GAB4: variants seen among roughly 807,000 people sequenced by gnomAD.
GAB4 encodes the protein GRB2 associated binding protein family member 4.
GAB4 carries 26 observed loss-of-function variants against 51.3 expected under a neutral mutation model. That is an observed-to-expected ratio of 0.51 (90% confidence interval 0.37 to 0.70). The LOEUF (loss-of-function observed/expected upper bound fraction) is 0.70. Ranked by LOEUF, GAB4 falls within the 30% of genes least tolerant of loss-of-function variation. The pLI is 0.00. For synonymous variants in GAB4, 329 were observed against 291.2 expected, an observed-to-expected ratio of 1.13 and a Z score of -1.32; for missense variants, 759 against 734.6, an observed-to-expected ratio of 1.03 and a Z score of -0.38.
chr22:16,963,603 C>G, intron 9 of GAB4, 122 bp downstream of exon 9: 2 of 708,992 alleles, frequency 2.8e-6, no homozygotes, highest in Non-Finnish European at 2.5e-6. Context: ...GCATAAGAGC[C>G]AGGCACTGGG....
intron 1 of GAB4, among the ~76,000 whole-genome samples, chr22:17,006,679 A>C (rs2061042399): frequency 1.3e-5 from 2 of 152,244 alleles, no homozygotes; most frequent in Non-Finnish European, 2.9e-5. Flanking sequence ...TGCAGCCATA[A>C]AAAAGAATGA....
chr22:16,996,505 G>A (rs1254883722), intron 1 of GAB4, among the ~76,000 whole-genome samples: 2 of 151,966 alleles, frequency 1.3e-5, no homozygotes, highest in African/African-American at 4.8e-5. Context: ...ACACGTAATT[G>A]TCAGATTGAC....
intron 8 of GAB4, among the ~76,000 whole-genome samples, chr22:16,964,513 C>T (rs1190358062): frequency 6.6e-6 from 1 of 152,190 alleles, no homozygotes. Flanking sequence ...CCACCTGTAT[C>T]ACCGTCATGA....
intron 1 of GAB4, among the ~76,000 whole-genome samples, chr22:17,005,958 T>G (rs1382351515): frequency 6.6e-6 from 1 of 152,184 alleles, no homozygotes; most frequent in Non-Finnish European, 1.5e-5. Context: ...GACATAGGCA[T>G]GGGCAAAGAC....
At chr22:16,984,459 A>G (rs116561357) in intron 3 of GAB4, among the ~76,000 whole-genome samples, 487 of 152,362 alleles carry the variant, frequency 3.2e-3, no homozygotes, top group African/African-American at 0.011. Context: ...TATATAGCCA[A>G]CATCTGTATT....
At chr22:17,002,245 G>T (rs1261936015) in intron 1 of GAB4, among the ~76,000 whole-genome samples, 1 of 152,172 alleles carries the variant, frequency 6.6e-6, no homozygotes, top group Non-Finnish European at 1.5e-5. Flanking sequence ...GGGAGCTGTA[G>T]ACTGGAGCTG....
At chr22:16,972,950 T>C (rs1381117816) in intron 3 of GAB4, among the ~76,000 whole-genome samples, 2 of 152,116 alleles carry the variant, frequency 1.3e-5, no homozygotes, top group Non-Finnish European at 2.9e-5. Flanking sequence ...CCTTCCCACC[T>C]AGGATCCACT....
At chr22:16,985,213 A>AT (rs929393348) in intron 3 of GAB4, among the ~76,000 whole-genome samples, 1 of 152,074 alleles carries the variant, frequency 6.6e-6, no homozygotes, top group Non-Finnish European at 1.5e-5. Flanking sequence ...CATTACATAC[A>AT]TTTTTTGCCC....
intron 1 of GAB4, among the ~76,000 whole-genome samples, chr22:16,999,448 C>G (rs2060977374): frequency 6.6e-6 from 1 of 152,212 alleles, no homozygotes; most frequent in Admixed American, 6.5e-5. Context: ...ATAGTATTCT[C>G]TGGTGGTAGT....
chr22:16,968,330 C>G lies in GAB4; in HGVS notation c.991G>C (p.Glu331Gln). 1 of 1,614,092 alleles carries G rather than the reference C, an allele frequency of 6.2e-7. No individual in the cohort carries two copies. Among genetic ancestry groups the G allele is most frequent in the African/African-American group, 1.3e-5 (1 of 75,018 alleles). Reference protein sequence around the residue: ...HGGGNASRPAESMHEGVCSFL... With the variant: ...HGGGNASRPAQSMHEGVCSFL... ...GAACAGACTCCCTCATGCATGGACT[C>G]AGCAGGCCGGCTGGCATTCCCTCCA... Residue 331 changes from glutamate to glutamine, a missense_variant, in exon 5 of 10, where the codon GAG becomes CAG. Transcript: ENST00000400588.
intron 9 of GAB4, 113 bp from the exon 10 acceptor site, chr22:16,962,989 C>T: frequency 1.0e-6 from 1 of 988,776 alleles, no homozygotes; most frequent in Non-Finnish European, 1.5e-6. Context: ...GAACCTCTGC[C>T]TCCTGCTCTC....
Position 17,008,118 on chromosome 22 carries a change from G to A in GAB4, c.-4C>T. ...GTGAGGGGGACGGCAGGGACATGGGGGCTGCAGCTCACAGTGAAGGTGGGG... is the reference window on the plus strand; with the variant it reads ...GTGAGGGGGACGGCAGGGACATGGGAGCTGCAGCTCACAGTGAAGGTGGGG... On this transcript the variant is annotated 5_prime_UTR_variant, in exon 1 of 10. Coordinates refer to ENST00000400588, the MANE Select transcript of GAB4 (RefSeq NM_001037814.1). The A allele has an allele frequency of 6.3e-7, 1 of 1,595,920 alleles. No individual in the cohort carries two copies. Among genetic ancestry groups the A allele is most frequent in the Admixed American group, 1.7e-5 (1 of 58,628 alleles).
chr22:16,976,053 CA>C (rs2060775208), intron 3 of GAB4, among the ~76,000 whole-genome samples: 2 of 152,158 alleles, frequency 1.3e-5, no homozygotes, highest in African/African-American at 4.8e-5. Context: ...CAAAGGTAGA[CA>C]AATTGACGAA....
chr22:16,995,025 G>A (rs542108401), intron 1 of GAB4, among the ~76,000 whole-genome samples: 1 of 152,126 alleles, frequency 6.6e-6, no homozygotes, highest in East Asian at 1.9e-4. Flanking sequence ...CTCTTAATGT[G>A]ATGAATTGCA....
At position 16,962,369 on chromosome 22, in the gene GAB4, T is replaced by G; in HGVS notation, c.*364A>C. On this transcript the variant is annotated 3_prime_UTR_variant, in exon 10 of 10. Coordinates refer to ENST00000400588, the MANE Select transcript of GAB4 (RefSeq NM_001037814.1). ...CATGTCCACTGTGGCCTGTGGGCCT[T>G]GGGTCCCCGGGTCAGCAAGGTAGCT... 1 of 177,742 alleles carries G rather than the reference T, an allele frequency of 5.6e-6. No individual in the cohort carries two copies. Among genetic ancestry groups the G allele is most frequent in the Non-Finnish European group, 1.2e-5 (1 of 85,404 alleles). 11.0% of individuals were successfully genotyped at this position (177,742 alleles called of 1,614,324 possible).
In GAB4 at chr22:16,962,262, CT is replaced by C. The variant is rs2060635721; in HGVS notation, c.*470del. 1 of 153,286 alleles carries C rather than the reference CT, an allele frequency of 6.5e-6. No individual in the cohort carries two copies. Among genetic ancestry groups the C allele is most frequent in the South Asian group, 2.1e-4 (1 of 4,834 alleles). 9.5% of individuals were successfully genotyped at this position (153,286 alleles called of 1,614,324 possible). A position where few individuals can be genotyped will look rare whatever the true frequency, so the allele number is the denominator to read the frequency against. Reference sequence around the variant, plus strand: ...TAATTCCTTTGCTTCTCAAGACCACCTTTAACCTTCCTTCTCAACTATTCCA... The same window carrying C: ...TAATTCCTTTGCTTCTCAAGACCACCTTAACCTTCCTTCTCAACTATTCCA... On this transcript the variant is annotated 3_prime_UTR_variant, in exon 10 of 10. Coordinates refer to ENST00000400588, the MANE Select transcript of GAB4 (RefSeq NM_001037814.1).
At chr22:16,972,698 A>C (rs741107) in intron 3 of GAB4, among the ~76,000 whole-genome samples, 102,948 of 151,874 alleles carry the variant, frequency 0.68, 34,990 homozygotes, top group East Asian at 0.79. Context: ...CTCTCACTCA[A>C]TCACCAGCCA....
At chr22:16,995,302 C>T (rs1048632531) in intron 1 of GAB4, among the ~76,000 whole-genome samples, 1 of 152,182 alleles carries the variant, frequency 6.6e-6, no homozygotes, top group African/African-American at 2.4e-5. Flanking sequence ...GTGGATTGCT[C>T]GGCTCCAGTC....
At chr22:16,983,731 G>GA (rs984468255) in intron 3 of GAB4, among the ~76,000 whole-genome samples, 13 of 152,154 alleles carry the variant, frequency 8.5e-5, no homozygotes, top group African/African-American at 2.7e-4. Flanking sequence ...ATGGTGCTGG[G>GA]AAAAATAAAT....
Sources: allele counts gnomAD v4.1 joint callset (sites outside exome capture counted in the v4.1 genomes callset), GRCh38; gene constraint gnomAD v4.1.1; transcripts MANE v1.5; gene names NCBI Gene and HGNC (gene_info 2026-07-23, HGNC 2026-07-21).